The following EPHA5 variants were observed in gnomAD, a reference collection of about 807,000 sequenced individuals.
EPHA5 encodes EPH receptor A5.
In EPHA5, 60 loss-of-function variants were observed where a neutral mutation model predicts 105.0. The ratio of observed to expected loss-of-function variants is 0.57; its 90% CI spans 0.46 to 0.71. The LOEUF (loss-of-function observed/expected upper bound fraction) is 0.71, where lower values mean the gene tolerates loss of function less well. EPHA5 is among the 30% of genes least tolerant of loss of function. The probability of loss-of-function intolerance (pLI) is 0.00; values close to 1 mark genes in which losing one functional copy is unlikely to be tolerated. For missense variants in EPHA5, 1,218 were observed against 1,274.7 expected (o/e 0.96, Z 0.68); for synonymous variants, 513 against 449.1 (o/e 1.14, Z -1.80).
intron 1 of EPHA5, among the ~76,000 whole-genome samples, chr4:65,666,303 T>C (rs1749960119): frequency 6.6e-6 from 1 of 152,202 alleles, no homozygotes; most frequent in African/African-American, 2.4e-5. Context: ...TTACTGACTG[T>C]AGCTTCAATG....
chr4:65,459,875 G>T (rs1419117331), intron 5 of EPHA5, among the ~76,000 whole-genome samples: 1 of 151,666 alleles, frequency 6.6e-6, no homozygotes, highest in East Asian at 1.9e-4. Flanking sequence ...AAAAGCTAAT[G>T]AAAAATATTG....
chr4:65,387,314 C>T (rs1720200595), intron 8 of EPHA5, among the ~76,000 whole-genome samples: 1 of 151,902 alleles, frequency 6.6e-6, no homozygotes, highest in African/African-American at 2.4e-5. Context: ...ATCCAGTCAC[C>T]ATGGCTTTGG....
intron 1 of EPHA5, among the ~76,000 whole-genome samples, chr4:65,649,994 A>T (rs952923582): frequency 6.6e-5 from 10 of 152,210 alleles, no homozygotes; most frequent in African/African-American, 2.4e-4. Flanking sequence ...TACACCAAAA[A>T]TTCTTGATTA....
intron 8 of EPHA5, among the ~76,000 whole-genome samples, chr4:65,399,369 C>T (rs1476838510): frequency 6.6e-6 from 1 of 152,204 alleles, no homozygotes; most frequent in African/African-American, 2.4e-5. Context: ...GCCTGGCTTG[C>T]CCTTTGCAAT....
chr4:65,476,275 G>A (rs531923522), intron 5 of EPHA5, among the ~76,000 whole-genome samples: 21 of 151,992 alleles, frequency 1.4e-4, no homozygotes, highest in Admixed American at 1.3e-3. Context: ...AACCACTAAA[G>A]ATTGAAAATA....
At chr4:65,637,756 G>GT (rs1747278318) in intron 2 of EPHA5, among the ~76,000 whole-genome samples, 1 of 151,578 alleles carries the variant, frequency 6.6e-6, no homozygotes. Flanking sequence ...TCAGAAAACT[G>GT]TAAGTAATTT....
intron 2 of EPHA5, among the ~76,000 whole-genome samples, chr4:65,625,302 G>T (rs909440160): frequency 6.6e-6 from 1 of 151,906 alleles, no homozygotes; most frequent in African/African-American, 2.4e-5. Flanking sequence ...TTTTTAAACT[G>T]CTAGTTTGTC....
At chr4:65,594,550 A>G (rs929483131) in intron 3 of EPHA5, among the ~76,000 whole-genome samples, 1 of 152,218 alleles carries the variant, frequency 6.6e-6, no homozygotes, top group African/African-American at 2.4e-5. Context: ...TACAACCTCA[A>G]GACTTTCACT....
At chr4:65,562,264 G>A (rs1739086354) in intron 3 of EPHA5, among the ~76,000 whole-genome samples, 1 of 151,884 alleles carries the variant, frequency 6.6e-6, no homozygotes, top group African/African-American at 2.4e-5. Context: ...CACTACTGAG[G>A]GATATTTTTG....
At chr4:65,370,060 G>A (rs1378648271) in intron 8 of EPHA5, among the ~76,000 whole-genome samples, 1 of 152,044 alleles carries the variant, frequency 6.6e-6, no homozygotes, top group African/African-American at 2.4e-5. Flanking sequence ...CAGTAAACTT[G>A]AAGTAATATT....
chr4:65,456,121 T>C (rs979437197), intron 5 of EPHA5, among the ~76,000 whole-genome samples: 3 of 152,170 alleles, frequency 2.0e-5, no homozygotes, highest in African/African-American at 7.2e-5. Context: ...TGAATCCGTA[T>C]GAATAACTAG....
intron 3 of EPHA5, among the ~76,000 whole-genome samples, chr4:65,530,629 G>A (rs1045656045): frequency 1.3e-5 from 2 of 152,140 alleles, no homozygotes; most frequent in African/African-American, 4.8e-5. Flanking sequence ...TGTGGATAGC[G>A]AAGAAAATGG....
intron 3 of EPHA5, among the ~76,000 whole-genome samples, chr4:65,557,456 A>C (rs1182484200): frequency 6.6e-6 from 1 of 151,832 alleles, no homozygotes; most frequent in African/African-American, 2.4e-5. Flanking sequence ...GATTCAGCAA[A>C]TATTTATAGG....
At chr4:65,446,685 C>T (rs941769966) in intron 5 of EPHA5, among the ~76,000 whole-genome samples, 1 of 152,046 alleles carries the variant, frequency 6.6e-6, no homozygotes, top group East Asian at 1.9e-4. Flanking sequence ...CTCATGTATG[C>T]ACATGGGGTG....
At chr4:65,463,491 A>C (rs1051302961) in intron 5 of EPHA5, among the ~76,000 whole-genome samples, 20 of 152,076 alleles carry the variant, frequency 1.3e-4, no homozygotes, top group Non-Finnish European at 2.9e-4. Flanking sequence ...GTAATAGAAA[A>C]CTCTTTAAAT....
intron 8 of EPHA5, among the ~76,000 whole-genome samples, chr4:65,368,258 T>C (rs1424515001): frequency 6.6e-6 from 1 of 152,140 alleles, no homozygotes; most frequent in African/African-American, 2.4e-5. Flanking sequence ...ATCCGTTTAA[T>C]TAATACTTCT....
intron 2 of EPHA5, among the ~76,000 whole-genome samples, chr4:65,621,869 G>C (rs981845756): frequency 2.0e-5 from 3 of 152,090 alleles, no homozygotes; most frequent in African/African-American, 7.2e-5. Flanking sequence ...GTGTCTGTAT[G>C]TGAATATATT....
chr4:65,582,972 T>C (rs148938078), intron 3 of EPHA5, among the ~76,000 whole-genome samples: 163 of 151,768 alleles, frequency 1.1e-3, no homozygotes, highest in African/African-American at 3.7e-3. Context: ...AGGAGAAATA[T>C]AAAAACTAGA....
At chr4:65,476,127 A>AGAGAGAGAGAGTGT (rs1425495059) in intron 5 of EPHA5, among the ~76,000 whole-genome samples, 4 of 119,104 alleles carry the variant, frequency 3.4e-5, no homozygotes, top group Non-Finnish European at 5.3e-5. Flanking sequence ...AGAGAGAGAG[A>AGAGAGAGAGAGTGT]GTGTGTGTGT....
Sources: allele counts gnomAD v4.1 joint callset (sites outside exome capture counted in the v4.1 genomes callset), GRCh38; gene constraint gnomAD v4.1.1; transcripts MANE v1.5; gene names NCBI Gene and HGNC (gene_info 2026-07-23, HGNC 2026-07-21).